Variants in LY75 observed in about 807,000 individuals in gnomAD.
The protein encoded by LY75 is C-type lectin domain family 13 member B.
A neutral mutation model predicts 231.7 loss-of-function variants in LY75; 185 were observed. The ratio of observed to expected loss-of-function variants is 0.80; its 90% confidence interval spans 0.71 to 0.90. The LOEUF is 0.90. Ranked by LOEUF, LY75 falls within the 40% of genes least tolerant of loss-of-function variation. The pLI, the probability that LY75 is intolerant of heterozygous loss-of-function variation, is 0.00. For synonymous variants in LY75, 668 were observed against 689.0 expected, an observed-to-expected ratio of 0.97 and a Z score of 0.48; for missense variants, 1,947 against 2,050.2, an observed-to-expected ratio of 0.95 and a Z score of 0.97.
In LY75 at chr2:159,819,832, C is replaced by T. The variant is rs74483005; in HGVS notation, c.4047G>A (p.Leu1349=). The change falls in exon 29 of 35, where the codon TTG becomes TTA. Residue 1349 remains leucine (L), a synonymous_variant. Transcript: ENST00000263636. ...GRPTIKNEKF[L]AGLSTDGFWD... Reference sequence around the variant, plus strand: ...AGAAGCCGTCAGTACTTAAACCAGCCAAAAACTTCTCATTTTTTATAGTTG... The same window carrying T: ...AGAAGCCGTCAGTACTTAAACCAGCTAAAAACTTCTCATTTTTTATAGTTG... The T allele has an allele frequency of 1.8e-3, 2,872 of 1,613,994 alleles. 96 individuals are homozygous for T. In the East Asian group the frequency reaches 0.06, roughly 34 times the overall value.
chr2:159,891,637 C>T (rs534765195), intron 3 of LY75, among the ~76,000 whole-genome samples: 1 of 152,224 alleles, frequency 6.6e-6, no homozygotes, highest in African/African-American at 2.4e-5. Context: ...TGTCACACCC[C>T]CAAAGCCCCA....
chr2:159,815,724 T>A (rs7577691), intron 30 of LY75, 151 bp from the exon 31 acceptor site: 340,654 of 915,102 alleles, frequency 0.37, 67,107 homozygotes, highest in Admixed American at 0.52. Flanking sequence ...TTATTGTAGG[T>A]CTGATTTACT....
chr2:159,828,460 T>A (rs1683547124), intron 28 of LY75, among the ~76,000 whole-genome samples: 1 of 152,168 alleles, frequency 6.6e-6, no homozygotes, highest in Non-Finnish European at 1.5e-5. Flanking sequence ...TGAGATATCA[T>A]TCCACACTCA....
intron 1 of LY75, chr2:159,903,650 C>T (rs1686145270): frequency 6.6e-6 from 1 of 152,248 alleles, no homozygotes; most frequent in South Asian, 2.1e-4. Flanking sequence ...GTTTTTCAAA[C>T]TGCCTGGACA....
rs929770168 is a variant in LY75 at position 159,866,052 on chromosome 2, G to A, written c.2118-1132C>T. Among the ~76,000 whole-genome samples, 4 of 152,204 alleles carry A rather than the reference G, an allele frequency of 2.6e-5. No individual in the cohort carries two copies. In the South Asian group the frequency reaches 8.3e-4, roughly 32 times the overall value. ...TTAACCTTTTGTTGGTACATGGTAT[G>A]TATGATCAGTACATATGTGTGTATA... On this transcript the variant is annotated intron_variant, in intron 13 of 34. Transcript: ENST00000263636.
chr2:159,896,262 T>C (rs1267828339), intron 2 of LY75, among the ~76,000 whole-genome samples: 1 of 152,196 alleles, frequency 6.6e-6, no homozygotes, highest in South Asian at 2.1e-4. Flanking sequence ...AATGTACACC[T>C]GGGTGCTAGT....
At chr2:159,875,398 T>C (rs2125871724) in intron 12 of LY75, 46 bp downstream of exon 12, 1 of 1,594,602 alleles carries the variant, frequency 6.3e-7, no homozygotes, top group Non-Finnish European at 8.5e-7. Flanking sequence ...ACAAGGGTAG[T>C]GGAAAAATAA....
intron 6 of LY75, among the ~76,000 whole-genome samples, chr2:159,882,961 C>T (rs1685479968): frequency 6.6e-6 from 1 of 151,976 alleles, no homozygotes; most frequent in Non-Finnish European, 1.5e-5. Flanking sequence ...AATCGAAGGT[C>T]TAATCTTTCC....
At chr2:159,830,705 T>C (rs7560921) in intron 28 of LY75, among the ~76,000 whole-genome samples, 15,423 of 151,236 alleles carry the variant, frequency 0.1, 2,724 homozygotes, top group African/African-American at 0.35. Flanking sequence ...TTCTCCTGCC[T>C]CAGCTTCCCA....
At chr2:159,901,104 GC>G (rs1686065247) in intron 1 of LY75, among the ~76,000 whole-genome samples, 1 of 152,168 alleles carries the variant, frequency 6.6e-6, no homozygotes, top group African/African-American at 2.4e-5. Flanking sequence ...CTCCCAAAAT[GC>G]TGGGATTATA....
chr2:159,863,298 C>T (rs1345447969), intron 14 of LY75, among the ~76,000 whole-genome samples: 1 of 152,070 alleles, frequency 6.6e-6, no homozygotes, highest in Non-Finnish European at 1.5e-5. Flanking sequence ...TCTCATTTCA[C>T]TTCCTCTGAA....
chr2:159,826,427 C>A (rs1406216462), intron 28 of LY75, among the ~76,000 whole-genome samples: 1 of 145,750 alleles, frequency 6.9e-6, no homozygotes, highest in Non-Finnish European at 1.5e-5. Context: ...TCAAGGAGAA[C>A]TACAAACCAC....
intron 20 of LY75, 120 bp from the exon 21 acceptor site, chr2:159,852,460 C>A: frequency 1.4e-6 from 2 of 1,398,412 alleles, no homozygotes; most frequent in South Asian, 1.5e-5. Context: ...CTCTGTTGCC[C>A]GGGGCTGGAG....
In LY75 at chr2:159,831,798, AAAAT is replaced by A. The variant is rs1683668836; in HGVS notation, c.3842-16_3842-13del. ...ATGTGATTTTGGATCTGTTGAATAA[AAAAT>A]AATCAATAATTTTAACAATTACTTA... is the stretch of plus-strand genomic sequence containing the variant. On this transcript the variant is annotated splice_polypyrimidine_tract_variant and intron_variant, in intron 27 of 34. Transcript: ENST00000263636. The A allele has an allele frequency of 6.3e-7, 1 of 1,585,052 alleles. No individual in the cohort carries two copies. Among genetic ancestry groups the A allele is most frequent in the African/African-American group, 1.4e-5 (1 of 73,490 alleles).
intron 3 of LY75, 56 bp from the exon 4 acceptor site, chr2:159,890,433 C>T (rs1171406368): frequency 2.5e-6 from 4 of 1,600,110 alleles, no homozygotes; most frequent in East Asian, 2.2e-5. Flanking sequence ...TTTTCTATTA[C>T]TTAGAATGCT....
At chr2:159,857,644 A>G (rs1684587895) in intron 16 of LY75, among the ~76,000 whole-genome samples, 1 of 152,190 alleles carries the variant, frequency 6.6e-6, no homozygotes. Flanking sequence ...CCAGTGGCTG[A>G]GGCAGGAGAA....
intron 26 of LY75, 59 bp from the exon 27 acceptor site, chr2:159,834,270 T>C: frequency 6.3e-7 from 1 of 1,599,278 alleles, no homozygotes; most frequent in Admixed American, 1.7e-5. Context: ...AAATCCTGTT[T>C]GCAGTCATTA....
At chr2:159,809,085 A>G (rs189313170) in intron 32 of LY75, among the ~76,000 whole-genome samples, 1 of 152,378 alleles carries the variant, frequency 6.6e-6, no homozygotes, top group Non-Finnish European at 1.5e-5. Context: ...GTATTCAGGT[A>G]TAAAACCGAA....
At chr2:159,856,506 A>C (rs1225974691) in intron 16 of LY75, among the ~76,000 whole-genome samples, 3 of 152,200 alleles carry the variant, frequency 2.0e-5, no homozygotes, top group Non-Finnish European at 4.4e-5. Flanking sequence ...GAGTAAACTT[A>C]GGCTGCTCTA....
Sources: gnomAD v4.1 joint callset for allele counts (sites outside exome capture counted in the v4.1 genomes callset) on GRCh38, gnomAD v4.1.1 for gene constraint, MANE v1.5 for transcripts, NCBI Gene and HGNC (gene_info 2026-07-23, HGNC 2026-07-21) for gene names.